The following TTN variants were observed in gnomAD, a reference collection of about 807,000 sequenced individuals.
The protein encoded by TTN is titin.
TTN carries 1,525 observed loss-of-function variants against 3,223.0 expected under a neutral mutation model. The observed-to-expected ratio is 0.47, with a 90% CI of 0.45 to 0.49. The LOEUF (loss-of-function observed/expected upper bound fraction) is 0.49. TTN is among the 20% of genes least tolerant of loss of function. The pLI, the probability that TTN is intolerant of heterozygous loss-of-function variation, is 0.00. For missense variants in TTN, 40,786 were observed against 43,424.0 expected (o/e 0.94, Z 5.40); for synonymous variants, 14,094 against 15,161.0 (o/e 0.93, Z 5.17).
chr2:178,720,696 A>C (rs369346552), intron 79 of TTN, 33 bp from the exon 80 acceptor site: 3 of 1,534,158 alleles, frequency 2.0e-6, no homozygotes, highest in Non-Finnish European at 1.7e-6. Context: ...CAATGAGAAC[A>C]CTTGCTTACT....
Position 178,558,776 on chromosome 2 carries a change from C to A in TTN, c.86822-139G>T, listed in dbSNP as rs1307575951. 5 of 975,386 alleles carry A rather than the reference C, an allele frequency of 5.1e-6. No individual in the cohort carries two copies. The African/African-American group carries it at 6.7e-5, about 13-fold the overall frequency. The allele number at this position is 975,386 out of a possible 1,614,324, so 60.4% of individuals were successfully genotyped here. ...GATTTTAGTCTTCCTTTTTACATAACCCATTTTGCTTCTGAACCAACCAAG... is the reference window on the plus strand; with the variant it reads ...GATTTTAGTCTTCCTTTTTACATAAACCATTTTGCTTCTGAACCAACCAAG... On this transcript the variant is annotated intron_variant, in intron 326 of 362. Coordinates refer to ENST00000589042, the MANE Select transcript of TTN (RefSeq NM_001267550.2).
intron 7 of TTN, 57 bp from the exon 8 acceptor site, chr2:178,794,608 TA>T (rs2093674359): frequency 1.9e-6 from 3 of 1,610,500 alleles, no homozygotes; most frequent in Non-Finnish European, 1.7e-6. Flanking sequence ...CAGTAGAAAA[TA>T]AAAAAGCATA....
intron 228 of TTN, 130 bp downstream of exon 228, chr2:178,635,035 C>A: frequency 7.0e-7 from 1 of 1,428,876 alleles, no homozygotes. Context: ...AATTTCTTTC[C>A]TTCTTGGAGA....
chr2:178,555,597 C>G (rs1200511590), intron 330 of TTN: 1 of 163,230 alleles, frequency 6.1e-6, no homozygotes, highest in Non-Finnish European at 1.3e-5. Context: ...AATTCTCTAC[C>G]CACAGAGCTA....
rs768314420 is a variant in TTN, at chr2:178,704,725, T to C, written c.29747A>G (p.Asp9916Gly). Residue 9916 changes from aspartate to glycine, a missense_variant, in exon 105 of 363, where the codon GAT (aspartate) becomes GGT (glycine). Asp to Gly is a moderately conservative substitution (Grantham distance 94). Coordinates refer to ENST00000589042, the MANE Select transcript of TTN (RefSeq NM_001267550.2). ...TTTAATGTCAATTTCAAAGACAGCA[T>C]CATTATCTTTCAAAACTGTCTGATT... is the stretch of plus-strand genomic sequence containing the variant. ...IENQTVLKDNDAVFEIDIKIN... is the reference protein window; with the variant it reads ...IENQTVLKDNGAVFEIDIKIN... The C allele has an allele frequency of 2.5e-6, 4 of 1,610,956 alleles. No individual in the cohort carries two copies. The East Asian group carries it at 8.9e-5, about 36-fold the overall frequency.
chr2:178,706,689 C>A lies in TTN; in HGVS notation c.29185G>T (p.Val9729Phe), dbSNP rs1060500451. The A allele has an allele frequency of 1.2e-6, 2 of 1,613,344 alleles. No homozygotes were observed. The highest frequency in any genetic ancestry group is 3.3e-5 in the Admixed American group (2 of 59,982). Residue 9729 changes from valine (V) to phenylalanine (F), a missense_variant, in exon 102 of 363, where the codon GTT (valine) becomes TTT (phenylalanine). Transcript: ENST00000589042. ...AKVGGDPIPN[V>F]KWTKGKWRQL... ...CTCCACTTCCCTTTTGTCCATTTAACATTTGGGATTGGGTCACCTCCAACT... is the reference window on the plus strand; with the variant it reads ...CTCCACTTCCCTTTTGTCCATTTAAAATTTGGGATTGGGTCACCTCCAACT...
In TTN at chr2:178,619,255, G is replaced by A. The variant is rs1559858387; in HGVS notation, c.46696+366C>T. The A allele has an allele frequency of 1.9e-5, 7 of 371,840 alleles. No homozygotes were observed. The East Asian group carries it at 4.6e-4, about 24-fold the overall frequency. The allele number at this position is 371,840 out of a possible 1,614,324, so 23.0% of individuals were successfully genotyped here. On this transcript the variant is annotated intron_variant, in intron 250 of 362. Coordinates refer to ENST00000589042, the MANE Select transcript of TTN (RefSeq NM_001267550.2). ...GCTTTTTCATAAGGACAGTGTATAAGGATGTCCTGGGTCAGGATGAGAACA... is the reference window on the plus strand; with the variant it reads ...GCTTTTTCATAAGGACAGTGTATAAAGATGTCCTGGGTCAGGATGAGAACA...
At chr2:178,743,855 C>G (rs939371523) in intron 47 of TTN, among the ~76,000 whole-genome samples, 4 of 151,932 alleles carry the variant, frequency 2.6e-5, no homozygotes, top group Non-Finnish European at 4.4e-5. Context: ...ATATTGTGTG[C>G]TCACTGGTTG....
chr2:178,801,038 T>C (rs543243980), intron 3 of TTN, among the ~76,000 whole-genome samples: 1 of 152,334 alleles, frequency 6.6e-6, no homozygotes, highest in East Asian at 1.9e-4. Flanking sequence ...TATTAATATG[T>C]GAAAGCCATG....
chr2:178,542,113 G>T (rs1002002870), intron 349 of TTN, 151 bp downstream of exon 349: 2 of 762,060 alleles, frequency 2.6e-6, no homozygotes, highest in Non-Finnish European at 3.9e-6. Flanking sequence ...TTAGAAACCT[G>T]AGAAAAGGAG....
rs758851565 is a variant in TTN at position 178,618,686 on chromosome 2, A to G, written c.46864T>C (p.Phe15622Leu). 1 of 1,612,022 alleles carries G rather than the reference A, an allele frequency of 6.2e-7. No homozygotes were observed. Among genetic ancestry groups the G allele is most frequent in the Non-Finnish European group, 8.5e-7 (1 of 1,178,920 alleles). ...TIDTTAEQTS[F>L]RILEAKKGDK... ...CCTTTCTTGGCTTCTAAAATTCTGA[A>G]AGAAGTTTGTTCAGCCGTAGTATCA... Residue 15622 changes from phenylalanine to leucine, a missense_variant, in exon 251 of 363, where the codon TTC becomes CTC. Phe to Leu is a conservative substitution (Grantham distance 22). Transcript: ENST00000589042.
intron 127 of TTN, among the ~76,000 whole-genome samples, chr2:178,686,593 T>G (rs1047922450): frequency 8.6e-5 from 13 of 151,982 alleles, no homozygotes; most frequent in Non-Finnish European, 1.3e-4. Flanking sequence ...GTTTTTTTAA[T>G]TTTTGTAGAA....
In TTN at chr2:178,732,091, G is replaced by A. The variant is rs1439370474; in HGVS notation, c.16878C>T (p.His5626=). Residue 5626 remains histidine, a synonymous_variant, in exon 57 of 363, where the codon CAC becomes CAT. Transcript: ENST00000589042. ...CTTTGACTATTACAATGCTACTGCA[G>A]TGGTCACTGCCAGCCTCATTTTGGG... ...CEAQNEAGSD[H]CSSIVIVKES... The A allele has an allele frequency of 1.2e-6, 2 of 1,611,544 alleles. No homozygotes were observed. The highest frequency in any genetic ancestry group is 1.7e-4 in the Middle Eastern group (1 of 6,042).
Position 178,706,622 on chromosome 2 carries a change from C to A in TTN, c.29252G>T (p.Gly9751Val), listed in dbSNP as rs779884658. 13 of 1,613,884 alleles carry A rather than the reference C, an allele frequency of 8.1e-6. No individual in the cohort carries two copies. The South Asian group carries it at 9.9e-5, about 12-fold the overall frequency. ...QGGRVFIHQK[G>V]DEAKLEIRDT... Reference sequence around the variant, plus strand: ...CCTAATCTCCAGTTTTGCTTCATCGCCTTTTTGGTGGATGAAAACACGACC... The same window carrying A: ...CCTAATCTCCAGTTTTGCTTCATCGACTTTTTGGTGGATGAAAACACGACC... Residue 9751 changes from glycine to valine, a missense_variant, in exon 102 of 363, where the codon GGC (glycine) becomes GTC (valine). Gly to Val is a moderately radical substitution (Grantham distance 109). Transcript: ENST00000589042.
chr2:178,568,770 G>C lies in TTN; in HGVS notation c.77362C>G (p.Pro25788Ala). ...GRSDPRSLAV[P>A]IVAKDLVIEP... ...ATTACCAGATCTTTGGCAACTATTG[G>C]AACTGCAAGGGACCGAGGATCACTT... is the stretch of plus-strand genomic sequence containing the variant. Residue 25788 changes from proline to alanine, a missense_variant, in exon 326 of 363, where the codon CCA becomes GCA. Pro to Ala is a conservative substitution (Grantham distance 27). Transcript: ENST00000589042. 2 of 1,612,878 alleles carry C rather than the reference G, an allele frequency of 1.2e-6. No homozygotes were observed. Among genetic ancestry groups the C allele is most frequent in the Non-Finnish European group, 1.7e-6 (2 of 1,179,322 alleles).
intron 63 of TTN, 44 bp downstream of exon 63, chr2:178,729,620 T>C (rs773373631): frequency 9.9e-6 from 16 of 1,613,092 alleles, no homozygotes; most frequent in South Asian, 8.8e-5. Flanking sequence ...CCCAAACTTA[T>C]CAGGCAGCAC....
intron 124 of TTN, 35 bp from the exon 125 acceptor site, chr2:178,689,171 G>A (rs1465121433): frequency 7.5e-6 from 12 of 1,593,548 alleles, no homozygotes; most frequent in Non-Finnish European, 1.0e-5. Context: ...GAAATTTAAT[G>A]TGATCTCATT....
intron 147 of TTN, among the ~76,000 whole-genome samples, 163 bp downstream of exon 147, chr2:178,677,038 G>C (rs1016010332): frequency 2.0e-5 from 3 of 151,454 alleles, no homozygotes; most frequent in African/African-American, 7.3e-5. Context: ...CTTTGTATCA[G>C]TGAAAAAAGT....
Position 178,634,829 on chromosome 2 carries a change from T to C in TTN, c.42045A>G (p.Glu14015=). The C allele has an allele frequency of 6.2e-7, 1 of 1,610,818 alleles. No individual in the cohort carries two copies. The highest frequency in any genetic ancestry group is 8.5e-7 in the Non-Finnish European group (1 of 1,178,900). The stretch of plus-strand genomic sequence containing the variant: ...GCAAAGTTAAGAAGCGTTTTCCACC[T>C]TCTGCTTTGATTTCACAAGTCTGAA... ...RPSPTCEIKA[E]GGKRFLTLHK... Residue 14015 remains glutamate, a synonymous_variant, in exon 229 of 363, where the codon GAA becomes GAG. Transcript: ENST00000589042. This position sits in a 1 kb window ranked among gnomAD's most constrained non-coding sequence, Gnocchi z 4.6.
Sources: allele counts gnomAD v4.1 joint callset (sites outside exome capture counted in the v4.1 genomes callset), GRCh38; gene constraint gnomAD v4.1.1; non-coding constraint Gnocchi (gnomAD v3.1); transcripts MANE v1.5; gene names NCBI Gene and HGNC (gene_info 2026-07-23, HGNC 2026-07-21).